IFT25: variants seen among roughly 807,000 people sequenced by gnomAD.
IFT25 encodes the protein intraflagellar transport protein 25 homolog.
At chr1:53,919,924 AGACT>A in the IFT25 span, among the ~76,000 whole-genome samples, 1 of 151,872 alleles carries the variant, frequency 6.6e-6, no homozygotes, top group African/African-American at 2.4e-5. Context: ...CAAGCAGCTG[AGACT>A]GACTACAGGC....
the IFT25 span, chr1:53,929,832 C>A: frequency 2.7e-6 from 2 of 731,344 alleles, no homozygotes; most frequent in Non-Finnish European, 3.9e-6. Flanking sequence ...GCCAACTGAG[C>A]TCAAGGCATT....
the IFT25 span, among the ~76,000 whole-genome samples, chr1:53,921,964 C>G: frequency 6.6e-6 from 1 of 152,334 alleles, no homozygotes; most frequent in East Asian, 1.9e-4. Context: ...GCAACTGGAG[C>G]TAAAAACTGC....
the IFT25 span, among the ~76,000 whole-genome samples, chr1:53,944,392 C>G: frequency 6.6e-6 from 1 of 152,190 alleles, no homozygotes; most frequent in Non-Finnish European, 1.5e-5. Flanking sequence ...CGCCTGTAAT[C>G]CCAGCACTTT....
At chr1:53,933,673 G>C in the IFT25 span, among the ~76,000 whole-genome samples, 7 of 152,092 alleles carry the variant, frequency 4.6e-5, no homozygotes, top group African/African-American at 1.7e-4. Flanking sequence ...TATCCAGTCT[G>C]ACAATCTGAT....
chr1:53,916,852 C>T, the IFT25 span: 10 of 396,246 alleles, frequency 2.5e-5, no homozygotes, highest in Admixed American at 2.7e-4. Flanking sequence ...TTAAAATTTG[C>T]TTTTCCGGGC....
the IFT25 span, among the ~76,000 whole-genome samples, chr1:53,927,634 A>G: frequency 1.3e-5 from 2 of 152,182 alleles, no homozygotes; most frequent in Admixed American, 6.5e-5. Context: ...TAGATGTTCA[A>G]CTAATCATCC....
chr1:53,926,077 CAA>C, the IFT25 span, among the ~76,000 whole-genome samples: 22 of 54,090 alleles, frequency 4.1e-4, no homozygotes, highest in African/African-American at 8.8e-4. Context: ...ACTCCAGTCT[CAA>C]AAAAAAAAAA....
the IFT25 span, chr1:53,928,220 T>A: frequency 1.7e-6 from 1 of 599,890 alleles, no homozygotes; most frequent in Non-Finnish European, 2.9e-6. Flanking sequence ...AGCAGCTTTG[T>A]ATTCAAACCT....
At chr1:53,921,722 C>T in the IFT25 span, 32 of 1,613,884 alleles carry the variant, frequency 2.0e-5, no homozygotes, top group African/African-American at 3.6e-4. Context: ...TGATCAAAGG[C>T]TGATACAATA....
the IFT25 span, chr1:53,928,678 T>TGAG: frequency 2.4e-6 from 1 of 417,574 alleles, no homozygotes. Flanking sequence ...GTAGAGCTTT[T>TGAG]CTGAATTTGG....
At chr1:53,941,328 G>C in the IFT25 span, among the ~76,000 whole-genome samples, 3 of 151,950 alleles carry the variant, frequency 2.0e-5, no homozygotes, top group Non-Finnish European at 4.4e-5. Flanking sequence ...GGCCTCAAGT[G>C]ATCCTCCTGC....
chr1:53,933,472 A>G, the IFT25 span, among the ~76,000 whole-genome samples: 2 of 151,924 alleles, frequency 1.3e-5, no homozygotes, highest in African/African-American at 4.8e-5. Flanking sequence ...TAACACTATA[A>G]CGTGTCCCCT....
At chr1:53,916,150 G>A in the IFT25 span, among the ~76,000 whole-genome samples, 2 of 146,450 alleles carry the variant, frequency 1.4e-5, no homozygotes, top group East Asian at 2.0e-4. Flanking sequence ...GTGCCACTGC[G>A]CTCCAGCCTG....
At chr1:53,929,839 C>A in the IFT25 span, 18 of 797,846 alleles carry the variant, frequency 2.3e-5, no homozygotes, top group Non-Finnish European at 1.7e-6. Flanking sequence ...GAGCTCAAGG[C>A]ATTTACCTCA....
At chr1:53,924,084 G>T in the IFT25 span, 1 of 627,248 alleles carries the variant, frequency 1.6e-6, no homozygotes, top group Non-Finnish European at 2.8e-6. Context: ...TTTGCATGTT[G>T]AAATTTAATT....
chr1:53,943,596 G>A, the IFT25 span, among the ~76,000 whole-genome samples: 30 of 152,064 alleles, frequency 2.0e-4, no homozygotes, highest in Admixed American at 9.8e-4. Flanking sequence ...ATTTGGCGGT[G>A]GAAATGTGAG....
the IFT25 span, among the ~76,000 whole-genome samples, chr1:53,917,979 CT>C: frequency 6.6e-6 from 1 of 152,156 alleles, no homozygotes; most frequent in Non-Finnish European, 1.5e-5. Context: ...ATGCCACTGA[CT>C]TTTTGAAGAA....
the IFT25 span, chr1:53,930,077 T>A: frequency 6.3e-7 from 1 of 1,578,198 alleles, no homozygotes; most frequent in South Asian, 1.2e-5. Flanking sequence ...AATCCTTACA[T>A]GTTTGTGGAA....
chr1:53,937,672 C>T, the IFT25 span, among the ~76,000 whole-genome samples: 7 of 152,112 alleles, frequency 4.6e-5, no homozygotes, highest in South Asian at 2.1e-4. Context: ...TGAACATACT[C>T]GCTTGAGAGA....
Sources: allele counts gnomAD v4.1 joint callset (sites outside exome capture counted in the v4.1 genomes callset), GRCh38; gene constraint gnomAD v4.1.1; transcripts MANE v1.5; gene names NCBI Gene and HGNC (gene_info 2026-07-23, HGNC 2026-07-21).